Variants in PLXDC2 observed in about 807,000 individuals in gnomAD.
PLXDC2 encodes plexin domain-containing protein 2.
In PLXDC2, 40 loss-of-function variants were observed where a neutral mutation model predicts 68.9. The observed-to-expected ratio is 0.58, with a 90% confidence interval of 0.45 to 0.76. The LOEUF (loss-of-function observed/expected upper bound fraction) is 0.76. Ranked by LOEUF, PLXDC2 falls within the 30% of genes least tolerant of loss-of-function variation. The pLI, the probability that PLXDC2 is intolerant of heterozygous loss-of-function variation, is 0.00. For missense variants in PLXDC2, 644 were observed against 661.9 expected (o/e 0.97, Z 0.30); for synonymous variants, 243 against 234.2 (o/e 1.04, Z -0.34).
At chr10:20,146,045 C>T (rs186009583) in intron 5 of PLXDC2, among the ~76,000 whole-genome samples, 2 of 152,222 alleles carry the variant, frequency 1.3e-5, no homozygotes, top group East Asian at 1.9e-4. Flanking sequence ...GGAAAGGAAA[C>T]GGGTTCATGC....
rs553895416 is a variant in PLXDC2 at position 19,860,518 on chromosome 10, G to T, written c.112+43327G>T. Reference sequence around the variant, plus strand: ...CTGGCTGTTTTGGAAAATAGTTTTGGGGGAAATGAACCAATGGAGAATGAA... The same window carrying T: ...CTGGCTGTTTTGGAAAATAGTTTTGTGGGAAATGAACCAATGGAGAATGAA... On this transcript the variant is annotated intron_variant, in intron 1 of 13. Coordinates refer to ENST00000377252, the MANE Select transcript of PLXDC2 (RefSeq NM_032812.9). 2.6e-5 allele frequency among the ~76,000 whole-genome samples: 4 copies of T among 152,240 alleles called. No individual in the cohort carries two copies. The South Asian group carries it at 8.3e-4, about 32-fold the overall frequency.
At chr10:20,223,575 A>G (rs1392181721) in intron 12 of PLXDC2, among the ~76,000 whole-genome samples, 2 of 152,096 alleles carry the variant, frequency 1.3e-5, no homozygotes, top group Admixed American at 6.5e-5. Context: ...GGCCTCCCAA[A>G]GTGCTGGGAT....
chr10:19,927,351 T>C (rs1456547732), intron 1 of PLXDC2, among the ~76,000 whole-genome samples: 2 of 152,106 alleles, frequency 1.3e-5, no homozygotes, highest in Non-Finnish European at 2.9e-5. Context: ...AGGATAAGAT[T>C]ATTTTTTCTT....
chr10:19,926,930 G>A (rs532671778), intron 1 of PLXDC2, among the ~76,000 whole-genome samples: 2 of 152,268 alleles, frequency 1.3e-5, no homozygotes, highest in South Asian at 2.1e-4. Flanking sequence ...TTTCCTCAAT[G>A]TGAATCATGA....
chr10:20,228,333 G>A (rs559820118), intron 12 of PLXDC2, among the ~76,000 whole-genome samples: 2 of 152,196 alleles, frequency 1.3e-5, no homozygotes, highest in South Asian at 4.1e-4. Flanking sequence ...GGCTGAGCTG[G>A]GTGGATCACC....
rs142231494 is a variant in PLXDC2 at position 20,025,067 on chromosome 10, G to A, written c.325-21802G>A. On this transcript the variant is annotated intron_variant, in intron 2 of 13. Coordinates refer to ENST00000377252, the MANE Select transcript of PLXDC2 (RefSeq NM_032812.9). ...TCTTTTTGGTAGACACCAAAATGATGTATTTTCTTTTGAATATATACCCAG... is the reference window on the plus strand; with the variant it reads ...TCTTTTTGGTAGACACCAAAATGATATATTTTCTTTTGAATATATACCCAG... Among the ~76,000 whole-genome samples, 693 of 152,214 alleles carry A rather than the reference G, an allele frequency of 4.6e-3. 4 individuals carry two copies. The highest frequency in any genetic ancestry group is 7.8e-3 in the Non-Finnish European group (530 of 68,002).
intron 1 of PLXDC2, among the ~76,000 whole-genome samples, chr10:19,875,587 G>A (rs1400799632): frequency 6.6e-6 from 1 of 152,174 alleles, no homozygotes; most frequent in Non-Finnish European, 1.5e-5. Flanking sequence ...GTGCTGTATG[G>A]TGTGTGTGTG....
chr10:20,038,322 A>G (rs953605365), intron 2 of PLXDC2, among the ~76,000 whole-genome samples: 94 of 152,204 alleles, frequency 6.2e-4, no homozygotes, highest in African/African-American at 2.1e-3. Flanking sequence ...AGAGGGATAG[A>G]CCATGCTGCA....
intron 2 of PLXDC2, among the ~76,000 whole-genome samples, chr10:20,018,187 A>G (rs1564658372): frequency 6.6e-6 from 1 of 152,318 alleles, no homozygotes; most frequent in East Asian, 1.9e-4. Flanking sequence ...AGTGTACACC[A>G]TGCAAATGAC....
chr10:20,041,777 G>A (rs1013040328), intron 2 of PLXDC2, among the ~76,000 whole-genome samples: 3 of 152,064 alleles, frequency 2.0e-5, no homozygotes, highest in Non-Finnish European at 4.4e-5. Context: ...CCAGCTGTTT[G>A]GGTTCTTAGT....
intron 1 of PLXDC2, among the ~76,000 whole-genome samples, chr10:19,889,744 CAT>C (rs1837916027): frequency 6.6e-6 from 1 of 152,132 alleles, no homozygotes; most frequent in Non-Finnish European, 1.5e-5. Flanking sequence ...GCAGGAAAAA[CAT>C]AGATCAAGGG....
At position 20,143,420 on chromosome 10, in the gene PLXDC2, A is replaced by G. The variant is rs780037572; in HGVS notation, c.664+3A>G. 8 of 1,612,836 alleles carry G rather than the reference A, an allele frequency of 5.0e-6. No homozygotes were observed. The highest frequency in any genetic ancestry group is 6.8e-6 in the Non-Finnish European group (8 of 1,179,186). On this transcript the variant is annotated splice_donor_region_variant and intron_variant, in intron 5 of 13. Coordinates refer to ENST00000377252, the MANE Select transcript of PLXDC2 (RefSeq NM_032812.9). ...AACTGTCAGATATTTTGATAATGGT[A>G]TGTGTTGAGTAGCCTATTTTTTGCT... is the stretch of plus-strand genomic sequence containing the variant.
intron 4 of PLXDC2, among the ~76,000 whole-genome samples, chr10:20,078,218 A>C (rs1044567417): frequency 2.0e-5 from 3 of 151,854 alleles, no homozygotes; most frequent in Non-Finnish European, 4.4e-5. Context: ...TCTCTTCAGA[A>C]AAAAAAAATT....
In PLXDC2 at chr10:19,877,213, G is replaced by A. The variant is rs533103896; in HGVS notation, c.112+60022G>A. ...ATGAGGAGAGAGAGGGAGGGGAGTT[G>A]AAGGGAGATAGAATGAGAAAGAGAG... On this transcript the variant is annotated intron_variant, in intron 1 of 13. Coordinates refer to ENST00000377252, the MANE Select transcript of PLXDC2 (RefSeq NM_032812.9). Among the ~76,000 whole-genome samples the A allele has an allele frequency of 4.6e-5, 7 of 151,862 alleles. No individual in the cohort carries two copies. In the South Asian group the frequency reaches 1.5e-3, roughly 32 times the overall value.
chr10:20,271,659 T>A (rs1835942301), intron 13 of PLXDC2, among the ~76,000 whole-genome samples: 1 of 152,072 alleles, frequency 6.6e-6, no homozygotes, highest in Non-Finnish European at 1.5e-5. Flanking sequence ...GATGGTCAGA[T>A]AAAGGAGAGA....
chr10:20,016,085 G>T (rs866135701), intron 2 of PLXDC2, among the ~76,000 whole-genome samples: 1 of 152,080 alleles, frequency 6.6e-6, no homozygotes, highest in South Asian at 2.1e-4. Flanking sequence ...TCTGGATATC[G>T]CTCCAAACCA....
intron 4 of PLXDC2, among the ~76,000 whole-genome samples, chr10:20,079,427 C>A (rs1374358111): frequency 1.3e-5 from 2 of 152,104 alleles, no homozygotes; most frequent in African/African-American, 4.8e-5. Context: ...TTAGTTCAAC[C>A]ATTGTGGAAG....
chr10:20,182,505 G>A, intron 9 of PLXDC2, among the ~76,000 whole-genome samples: 1 of 152,036 alleles, frequency 6.6e-6, no homozygotes, highest in East Asian at 1.9e-4. Context: ...TGTAGATGAA[G>A]ACTTGGGTTG....
rs532991897 is a variant in PLXDC2 at position 20,038,542 on chromosome 10, A to G, written c.325-8327A>G. Among the ~76,000 whole-genome samples, 38 of 152,300 alleles carry G rather than the reference A, an allele frequency of 2.5e-4. 1 individual carries two copies. In the East Asian group the frequency reaches 6.0e-3, roughly 24 times the overall value. On this transcript the variant is annotated intron_variant, in intron 2 of 13. Coordinates refer to ENST00000377252, the MANE Select transcript of PLXDC2 (RefSeq NM_032812.9). ...ATTGTTCTTAGTATCTGAAGAAGGT[A>G]TTAATGTAGTATTTGATGATGGGTA... is the stretch of plus-strand genomic sequence containing the variant.
Sources: allele counts gnomAD v4.1 joint callset (sites outside exome capture counted in the v4.1 genomes callset), GRCh38; gene constraint gnomAD v4.1.1; transcripts MANE v1.5; gene names NCBI Gene and HGNC (gene_info 2026-07-23, HGNC 2026-07-21).